The following SPON1 variants were observed in gnomAD, a reference collection of about 807,000 sequenced individuals.
The protein encoded by SPON1 is spondin-1.
SPON1 carries 52 observed loss-of-function variants against 111.7 expected under a neutral mutation model. That is an observed-to-expected ratio of 0.47 (90% CI 0.37 to 0.59). The LOEUF is 0.59. Among genes scored for constraint, SPON1 ranks in the 20% least tolerant of loss-of-function variants. The probability of loss-of-function intolerance (pLI) is 0.00; values close to 1 mark genes in which losing one functional copy is unlikely to be tolerated. For missense variants in SPON1, 957 were observed against 1,068.5 expected (o/e 0.90, Z 1.46); for synonymous variants, 410 against 395.8 (o/e 1.04, Z -0.43).
At chr11:14,199,772 G>A (rs1222765119) in intron 6 of SPON1, among the ~76,000 whole-genome samples, 1 of 152,194 alleles carries the variant, frequency 6.6e-6, no homozygotes. Flanking sequence ...TTCTGAGCAT[G>A]CCAGCTATAA....
Position 14,259,714 on chromosome 11 carries a change from G to A in SPON1, c.1831+13G>A, listed in dbSNP as rs781887622. ...ATGCCAGAGTGCCGTGAGTGAGAGC[G>A]GGGGTGGACTTGGAGGAGGCCACTG... On this transcript the variant is annotated intron_variant, in intron 13 of 15. Coordinates refer to ENST00000576479, the MANE Select transcript of SPON1 (RefSeq NM_006108.4). This position sits in a 1 kb window ranked among gnomAD's most constrained non-coding sequence, Gnocchi z 5.0. 2.3e-5 allele frequency: 36 copies of A among 1,565,778 alleles called. No individual in the cohort carries two copies. The highest frequency in any genetic ancestry group is 1.7e-4 in the Middle Eastern group (1 of 5,996).
At chr11:14,018,808 G>A (rs1848461420) in intron 2 of SPON1, among the ~76,000 whole-genome samples, 1 of 152,200 alleles carries the variant, frequency 6.6e-6, no homozygotes, top group African/African-American at 2.4e-5. Context: ...ACAAGAGCCA[G>A]TAGACCAGGC....
At chr11:14,188,115 C>T (rs968595265) in intron 6 of SPON1, among the ~76,000 whole-genome samples, 1 of 152,110 alleles carries the variant, frequency 6.6e-6, no homozygotes, top group Non-Finnish European at 1.5e-5. Context: ...AGCATGTTGG[C>T]CACGCTGGTC....
At chr11:14,262,271 G>A (rs375487259) in intron 14 of SPON1, among the ~76,000 whole-genome samples, 1 of 152,178 alleles carries the variant, frequency 6.6e-6, no homozygotes, top group African/African-American at 2.4e-5. Context: ...GGTCCACAAG[G>A]GTCAGCCGCC....
intron 2 of SPON1, among the ~76,000 whole-genome samples, chr11:13,985,804 G>A (rs1564879504): frequency 6.6e-6 from 1 of 152,134 alleles, no homozygotes; most frequent in Non-Finnish European, 1.5e-5. Flanking sequence ...CAAACACTGT[G>A]CCAGTTTCTT....
chr11:14,108,759 T>G (rs1355693298), intron 5 of SPON1, among the ~76,000 whole-genome samples: 1 of 152,178 alleles, frequency 6.6e-6, no homozygotes, highest in African/African-American at 2.4e-5. Flanking sequence ...ATGACCTTTT[T>G]TTTTTTTGTA....
intron 2 of SPON1, among the ~76,000 whole-genome samples, chr11:13,990,824 C>G (rs1352450660): frequency 2.6e-5 from 4 of 152,112 alleles, no homozygotes; most frequent in Admixed American, 2.6e-4. Context: ...TTCTCCTTCA[C>G]TTATGAAGCT....
At chr11:14,095,311 CCTT>C in intron 5 of SPON1, among the ~76,000 whole-genome samples, 1 of 152,016 alleles carries the variant, frequency 6.6e-6, no homozygotes, top group Non-Finnish European at 1.5e-5. Flanking sequence ...GGACCATAGC[CCTT>C]CTTTCTCAAT....
At chr11:14,200,010 C>T (rs192014362) in intron 6 of SPON1, among the ~76,000 whole-genome samples, 116 of 152,326 alleles carry the variant, frequency 7.6e-4, no homozygotes, top group South Asian at 1.7e-3. Flanking sequence ...TTACACATTG[C>T]TCTCTTTTCC....
At chr11:14,263,619 T>C (rs1256878777) in intron 15 of SPON1, among the ~76,000 whole-genome samples, 1 of 152,192 alleles carries the variant, frequency 6.6e-6, no homozygotes, top group Admixed American at 6.5e-5. Context: ...ATGCACCAAG[T>C]GCTCAGGGAG....
chr11:14,211,647 G>A lies in SPON1; in HGVS notation c.826-31685G>A, dbSNP rs564626147. Among the ~76,000 whole-genome samples the A allele has an allele frequency of 7.9e-5, 12 of 152,110 alleles. No individual in the cohort carries two copies. The South Asian group carries it at 1.9e-3, about 24-fold the overall frequency. On this transcript the variant is annotated intron_variant, in intron 6 of 15. Transcript: ENST00000576479. ...ATCTTATATTCTTATATTATTATAC[G>A]TGTAGTTTTCTAGGGGTTTACTGCT... is the stretch of plus-strand genomic sequence containing the variant.
chr11:14,050,422 C>T (rs1178831784), intron 3 of SPON1, among the ~76,000 whole-genome samples: 1 of 152,138 alleles, frequency 6.6e-6, no homozygotes. Flanking sequence ...ACTGTTAGAG[C>T]TCTATCAAGC....
intron 5 of SPON1, among the ~76,000 whole-genome samples, chr11:14,131,049 AC>A (rs1847522282): frequency 2.0e-5 from 3 of 152,134 alleles, no homozygotes; most frequent in South Asian, 2.1e-4. Flanking sequence ...CGCAGGAGGA[AC>A]TTTTGATCAT....
At chr11:14,250,465 TC>T (rs1456925719) in intron 7 of SPON1, among the ~76,000 whole-genome samples, 2 of 152,024 alleles carry the variant, frequency 1.3e-5, no homozygotes, top group Admixed American at 1.3e-4. Context: ...ATCTTTCCTT[TC>T]CCCCTAATTT....
intron 5 of SPON1, among the ~76,000 whole-genome samples, chr11:14,120,901 AGTTT>A (rs1209999643): frequency 2.0e-5 from 3 of 152,180 alleles, no homozygotes; most frequent in African/African-American, 7.2e-5. Flanking sequence ...GAATTTACAT[AGTTT>A]GTTCAAGATT....
intron 6 of SPON1, among the ~76,000 whole-genome samples, chr11:14,194,114 T>A (rs1173509449): frequency 2.0e-5 from 3 of 152,214 alleles, no homozygotes; most frequent in African/African-American, 7.2e-5. Context: ...AGGCCAGTGG[T>A]TCTAGCCCTT....
rs1848483583 is a variant in SPON1, at chr11:14,203,297, A to C, written c.826-40035A>C. ...ATATCACCCAATCACCTCTCTAGCA[A>C]GCTATTTTCTTTGGCTCCATTAACC... On this transcript the variant is annotated intron_variant, in intron 6 of 15. Coordinates refer to ENST00000576479, the MANE Select transcript of SPON1 (RefSeq NM_006108.4). Among the ~76,000 whole-genome samples the C allele has an allele frequency of 6.6e-5, 10 of 152,144 alleles. 1 individual carries two copies. The South Asian group carries it at 2.1e-3, about 32-fold the overall frequency.
intron 2 of SPON1, among the ~76,000 whole-genome samples, chr11:14,010,673 A>G (rs1475725756): frequency 6.6e-6 from 1 of 152,210 alleles, no homozygotes; most frequent in Non-Finnish European, 1.5e-5. Context: ...TCACTTCTCA[A>G]TAGATTGCCT....
In SPON1 at chr11:14,267,202, T is replaced by C. The variant is rs1278572145; in HGVS notation, c.*1515T>C. The C allele has an allele frequency of 6.6e-6, 1 of 152,210 alleles. No homozygotes were observed. Among genetic ancestry groups the C allele is most frequent in the African/African-American group, 2.4e-5 (1 of 41,452 alleles). 9.4% of individuals were successfully genotyped at this position (152,210 alleles called of 1,614,324 possible). ...ACAAGAGAGACTATTCAATAAAAAC[T>C]CACTGGGTCTTTCATGTCTTTAAGC... On this transcript the variant is annotated 3_prime_UTR_variant, in exon 16 of 16. Transcript: ENST00000576479.
Sources: allele counts gnomAD v4.1 joint callset (sites outside exome capture counted in the v4.1 genomes callset), GRCh38; gene constraint gnomAD v4.1.1; non-coding constraint Gnocchi (gnomAD v3.1); transcripts MANE v1.5; gene names NCBI Gene and HGNC (gene_info 2026-07-23, HGNC 2026-07-21).